The following PDGFC variants were observed in gnomAD, a reference collection of about 807,000 sequenced individuals.
PDGFC encodes platelet derived growth factor C, also known as platelet-derived growth factor C.
In PDGFC, 12 loss-of-function variants were observed where a neutral mutation model predicts 35.5. That is an observed-to-expected ratio of 0.34 (90% CI 0.22 to 0.55). The LOEUF (loss-of-function observed/expected upper bound fraction) is 0.55, where lower values mean the gene tolerates loss of function less well. PDGFC is among the 20% of genes least tolerant of loss of function. The pLI is 0.91. For synonymous variants in PDGFC, 159 were observed against 148.8 expected, an observed-to-expected ratio of 1.07 and a Z score of -0.50; for missense variants, 322 against 412.4, an observed-to-expected ratio of 0.78 and a Z score of 1.90.
At chr4:156,849,701 T>C (rs1729407310) in intron 2 of PDGFC, among the ~76,000 whole-genome samples, 1 of 152,136 alleles carries the variant, frequency 6.6e-6, no homozygotes, top group Non-Finnish European at 1.5e-5. Context: ...AAATATCTAA[T>C]GCTGCTTTCT....
intron 1 of PDGFC, among the ~76,000 whole-genome samples, chr4:156,960,419 T>C (rs1158998997): frequency 1.3e-5 from 2 of 151,322 alleles, no homozygotes; most frequent in Non-Finnish European, 2.9e-5. Flanking sequence ...CATGGCATAC[T>C]AGTGTTCTTA....
At chr4:156,928,721 T>A (rs935101156) in intron 1 of PDGFC, among the ~76,000 whole-genome samples, 2 of 152,230 alleles carry the variant, frequency 1.3e-5, no homozygotes, top group Non-Finnish European at 2.9e-5. Context: ...ATGAGAAATA[T>A]CCTTTTATGG....
At chr4:156,934,526 C>T (rs1325008548) in intron 1 of PDGFC, among the ~76,000 whole-genome samples, 2 of 152,058 alleles carry the variant, frequency 1.3e-5, no homozygotes, top group Non-Finnish European at 1.5e-5. Flanking sequence ...AGGCTAAATG[C>T]TTATGCTACA....
chr4:156,880,488 C>T (rs2111168608), intron 1 of PDGFC, among the ~76,000 whole-genome samples: 1 of 152,230 alleles, frequency 6.6e-6, no homozygotes, highest in Non-Finnish European at 1.5e-5. Flanking sequence ...GATAACGCAC[C>T]TGGTCACCCA....
chr4:156,916,896 T>C (rs1452086425), intron 1 of PDGFC, among the ~76,000 whole-genome samples: 2 of 152,156 alleles, frequency 1.3e-5, no homozygotes, highest in Admixed American at 6.5e-5. Context: ...TTTGCAATAA[T>C]GAAAATCCCA....
At chr4:156,771,770 A>G (rs1286285487) in intron 4 of PDGFC, among the ~76,000 whole-genome samples, 1 of 152,164 alleles carries the variant, frequency 6.6e-6, no homozygotes, top group Non-Finnish European at 1.5e-5. Flanking sequence ...TTAACCGAAC[A>G]TTATTCCTTT....
At chr4:156,900,778 T>C (rs2110762180) in intron 1 of PDGFC, among the ~76,000 whole-genome samples, 1 of 151,934 alleles carries the variant, frequency 6.6e-6, no homozygotes, top group Middle Eastern at 3.4e-3. Flanking sequence ...GAGGTTGCAG[T>C]GAGCAGAGAT....
At chr4:156,940,695 GAAT>G (rs1379996473) in intron 1 of PDGFC, among the ~76,000 whole-genome samples, 4 of 151,964 alleles carry the variant, frequency 2.6e-5, no homozygotes, top group Non-Finnish European at 5.9e-5. Flanking sequence ...AGTATTTTCA[GAAT>G]AATAATAAGA....
chr4:156,882,679 A>C (rs1226839230), intron 1 of PDGFC, among the ~76,000 whole-genome samples: 1 of 152,218 alleles, frequency 6.6e-6, no homozygotes, highest in East Asian at 1.9e-4. Flanking sequence ...TTTGACTAAA[A>C]GTGACAGTAA....
intron 1 of PDGFC, among the ~76,000 whole-genome samples, chr4:156,900,911 G>T (rs1730753995): frequency 6.8e-6 from 1 of 146,418 alleles, no homozygotes; most frequent in Non-Finnish European, 1.5e-5. Flanking sequence ...GAGGAAGGGA[G>T]GGAGGGAGAG....
At position 156,799,526 on chromosome 4, in the gene PDGFC, T is replaced by C. The variant is rs925636070; in HGVS notation, c.495+11311A>G. 2.6e-5 allele frequency among the ~76,000 whole-genome samples: 4 copies of C among 152,230 alleles called. No individual in the cohort carries two copies. The East Asian group carries it at 7.7e-4, about 29-fold the overall frequency. On this transcript the variant is annotated intron_variant, in intron 3 of 5. Coordinates refer to ENST00000502773, the MANE Select transcript of PDGFC (RefSeq NM_016205.3). The stretch of plus-strand genomic sequence containing the variant: ...CTAAAAATGCTCTGAGTCTTTTGCA[T>C]ACCAGAGTGACACATTCTGAGGTGT...
In PDGFC at chr4:156,850,376, A is replaced by G; in HGVS notation, c.159T>C (p.Ser53=). ...DPQHERIITV[S]TNGSIHSPRF... The stretch of plus-strand genomic sequence containing the variant: ...TTGGGCTGTGAATACTTCCATTAGT[A>G]GACACAGTAATAATTCTCTCATGCT... The change falls in exon 2 of 6, where the codon TCT becomes TCC. Residue 53 remains serine, a synonymous_variant. Transcript: ENST00000502773. 1 of 1,604,712 alleles carries G rather than the reference A, an allele frequency of 6.2e-7. No individual in the cohort carries two copies. The highest frequency in any genetic ancestry group is 8.5e-7 in the Non-Finnish European group (1 of 1,174,672).
chr4:156,954,677 A>C (rs918271951), intron 1 of PDGFC, among the ~76,000 whole-genome samples: 3 of 151,954 alleles, frequency 2.0e-5, no homozygotes, highest in Non-Finnish European at 4.4e-5. Context: ...CATCATTATA[A>C]TTTTGCCAAT....
chr4:156,877,445 G>A (rs548996856), intron 1 of PDGFC, among the ~76,000 whole-genome samples: 27 of 152,110 alleles, frequency 1.8e-4, no homozygotes, highest in East Asian at 1.7e-3. Flanking sequence ...TAAGTCAATC[G>A]TGAAATTATA....
At chr4:156,842,372 G>C (rs1374032196) in intron 2 of PDGFC, 1 of 144,356 alleles carries the variant, frequency 6.9e-6, no homozygotes, top group South Asian at 2.2e-4. Flanking sequence ...CCATCAAGCA[G>C]AAAAAAAAAA....
intron 1 of PDGFC, among the ~76,000 whole-genome samples, chr4:156,969,616 T>C (rs1732542760): frequency 6.6e-6 from 1 of 152,092 alleles, no homozygotes; most frequent in African/African-American, 2.4e-5. Context: ...AACACCCCAA[T>C]ATGAAAAGGA....
chr4:156,913,065 G>C (rs1731075421), intron 1 of PDGFC, among the ~76,000 whole-genome samples: 1 of 151,916 alleles, frequency 6.6e-6, no homozygotes, highest in Non-Finnish European at 1.5e-5. Flanking sequence ...AAAATGTTTG[G>C]CTCTTAAAAG....
chr4:156,922,915 T>TACTG (rs1560874801), intron 1 of PDGFC, among the ~76,000 whole-genome samples: 2 of 152,170 alleles, frequency 1.3e-5, no homozygotes, highest in East Asian at 3.9e-4. Flanking sequence ...CCCTGACCAC[T>TACTG]ACTGCCCTGA....
intron 1 of PDGFC, among the ~76,000 whole-genome samples, chr4:156,923,648 G>A (rs961014542): frequency 6.6e-6 from 1 of 152,114 alleles, no homozygotes; most frequent in Non-Finnish European, 1.5e-5. Flanking sequence ...TCATTAGAGT[G>A]ACCAACATTT....
Sources: gnomAD v4.1 joint callset for allele counts (sites outside exome capture counted in the v4.1 genomes callset) on GRCh38, gnomAD v4.1.1 for gene constraint, MANE v1.5 for transcripts, NCBI Gene and HGNC (gene_info 2026-07-23, HGNC 2026-07-21) for gene names.